The following SLC5A4 variants were observed in gnomAD, a reference collection of about 807,000 sequenced individuals.
The protein encoded by SLC5A4 is probable glucose sensor protein SLC5A4.
Under a neutral mutation model 70.3 loss-of-function variants are expected in SLC5A4, and 55 were observed. That is an observed-to-expected ratio of 0.78 (90% confidence interval 0.63 to 0.98). The LOEUF is 0.98. Among genes scored for constraint, SLC5A4 ranks in the 50% least tolerant of loss-of-function variants. SLC5A4 has a pLI of 0.00. For missense variants in SLC5A4, 735 were observed against 839.2 expected, an observed-to-expected ratio of 0.88 and a Z score of 1.53; for synonymous variants, 268 against 305.7, an observed-to-expected ratio of 0.88 and a Z score of 1.29.
At chr22:32,239,524 A>G (rs1223739947) in intron 5 of SLC5A4, among the ~76,000 whole-genome samples, 1 of 7,240 alleles carries the variant, frequency 1.4e-4, no homozygotes, top group African/African-American at 1.2e-3. Context: ...CATATTATAT[A>G]TATATATATA....
the SLC5A4 span, among the ~76,000 whole-genome samples, chr22:32,306,563 T>C: frequency 2.6e-5 from 4 of 151,900 alleles, no homozygotes; most frequent in Non-Finnish European, 4.4e-5. Flanking sequence ...ATTAGGAATG[T>C]TTTTGGTTTT....
At chr22:32,330,815 GGGAGGCTCTGGTGT>G in the SLC5A4 span, among the ~76,000 whole-genome samples, 1 of 112,346 alleles carries the variant, frequency 8.9e-6, no homozygotes. Flanking sequence ...TGTGTGTTTT[GGGAGGCTCTGGTGT>G]GTGTGTGTGT....
chr22:32,308,330 T>C, the SLC5A4 span, among the ~76,000 whole-genome samples: 3 of 152,236 alleles, frequency 2.0e-5, no homozygotes, highest in African/African-American at 4.8e-5. Flanking sequence ...TGGCAGTCTC[T>C]GATAGACACG....
chr22:32,331,359 G>A, the SLC5A4 span, among the ~76,000 whole-genome samples: 2 of 152,020 alleles, frequency 1.3e-5, no homozygotes, highest in African/African-American at 2.4e-5. Flanking sequence ...GAAAAACGCC[G>A]CTGGCGAGAT....
At chr22:32,239,896 C>T (rs1331436664) in intron 5 of SLC5A4, among the ~76,000 whole-genome samples, 1 of 149,506 alleles carries the variant, frequency 6.7e-6, no homozygotes, top group African/African-American at 2.5e-5. Context: ...TGGTGGCAGC[C>T]GTGTGTAGTC....
chr22:32,312,018 C>T, the SLC5A4 span, among the ~76,000 whole-genome samples: 1 of 152,088 alleles, frequency 6.6e-6, no homozygotes, highest in Non-Finnish European at 1.5e-5. Flanking sequence ...GCTTTTTCTG[C>T]AGGGGGTTAA....
At chr22:32,323,304 C>T in the SLC5A4 span, among the ~76,000 whole-genome samples, 1 of 152,202 alleles carries the variant, frequency 6.6e-6, no homozygotes, top group African/African-American at 2.4e-5. Context: ...ACTCCACTTT[C>T]CTCCCCAAAA....
At chr22:32,297,615 C>G in the SLC5A4 span, among the ~76,000 whole-genome samples, 30 of 112,018 alleles carry the variant, frequency 2.7e-4, 3 homozygotes, top group African/African-American at 9.5e-4. Flanking sequence ...CTCCTGGATT[C>G]GTTAATTTTT....
At chr22:32,334,013 A>G in the SLC5A4 span, among the ~76,000 whole-genome samples, 1 of 149,592 alleles carries the variant, frequency 6.7e-6, no homozygotes, top group African/African-American at 2.5e-5. Context: ...ACACTACACC[A>G]TGCCAGATAC....
chr22:32,240,314 T>TA, intron 5 of SLC5A4, among the ~76,000 whole-genome samples: 1 of 151,922 alleles, frequency 6.6e-6, no homozygotes, highest in East Asian at 1.9e-4. Flanking sequence ...ATGATCAACT[T>TA]AAAAATCTCT....
chr22:32,282,132 G>A, the SLC5A4 span, among the ~76,000 whole-genome samples: 1 of 152,098 alleles, frequency 6.6e-6, no homozygotes, highest in African/African-American at 2.4e-5. Flanking sequence ...TGTGAGCCAC[G>A]GCGCTCGGCC....
At chr22:32,284,432 G>A in the SLC5A4 span, among the ~76,000 whole-genome samples, 7 of 152,270 alleles carry the variant, frequency 4.6e-5, no homozygotes, top group South Asian at 1.5e-3. Flanking sequence ...ATGGTGTTGG[G>A]ATACTGGGAT....
At position 32,231,075 on chromosome 22, in the gene SLC5A4, T is replaced by C. The variant is rs1459176038; in HGVS notation, c.1022A>G (p.Asp341Gly). The C allele has an allele frequency of 6.2e-7, 1 of 1,605,644 alleles. No individual in the cohort carries two copies. Among genetic ancestry groups the C allele is most frequent in the Non-Finnish European group, 8.5e-7 (1 of 1,172,540 alleles). The stretch of plus-strand genomic sequence containing the variant: ...AGAAGGTACCACACATGCTACCATA[T>C]CTGGGGAAGAATTCAGAAGTGAGTC... ...PGMISRILYTDMVACVVPSEC... is the reference protein window; with the variant it reads ...PGMISRILYTGMVACVVPSEC... Residue 341 changes from aspartate to glycine, a missense_variant and splice_region_variant, in exon 10 of 15, where the codon GAT becomes GGT. Transcript: ENST00000266086.
chr22:32,227,409 A>T (rs1925468465), intron 11 of SLC5A4, among the ~76,000 whole-genome samples: 1 of 152,222 alleles, frequency 6.6e-6, no homozygotes, highest in Admixed American at 6.5e-5. Context: ...GCTCTGGGCC[A>T]AGTGAGGCCT....
At chr22:32,349,162 A>G in the SLC5A4 span, among the ~76,000 whole-genome samples, 1 of 151,968 alleles carries the variant, frequency 6.6e-6, no homozygotes, top group Non-Finnish European at 1.5e-5. Context: ...TTTAGTAGAG[A>G]CAGGGTTTCA....
the SLC5A4 span, among the ~76,000 whole-genome samples, chr22:32,306,408 G>A: frequency 1.1e-4 from 17 of 150,902 alleles, no homozygotes; most frequent in South Asian, 2.4e-3. Context: ...GGAGCTTGCA[G>A]TGACCCGAGA....
chr22:32,303,758 A>G, the SLC5A4 span, among the ~76,000 whole-genome samples: 1 of 152,230 alleles, frequency 6.6e-6, no homozygotes, highest in Non-Finnish European at 1.5e-5. Flanking sequence ...ATAAAGCTAT[A>G]AACACCCATG....
chr22:32,283,879 T>C, the SLC5A4 span, among the ~76,000 whole-genome samples: 5 of 152,214 alleles, frequency 3.3e-5, no homozygotes, highest in East Asian at 3.9e-4. Context: ...CTGAGAATGG[T>C]TGATTAATAT....
chr22:32,318,298 T>G, the SLC5A4 span, among the ~76,000 whole-genome samples: 1 of 152,072 alleles, frequency 6.6e-6, no homozygotes, highest in East Asian at 1.9e-4. Context: ...CGCTGATGAC[T>G]TTTGAGCCTC....
Sources: allele counts gnomAD v4.1 joint callset (sites outside exome capture counted in the v4.1 genomes callset), GRCh38; gene constraint gnomAD v4.1.1; transcripts MANE v1.5; gene names NCBI Gene and HGNC (gene_info 2026-07-23, HGNC 2026-07-21).